Variants in TCF7L2 observed in about 807,000 individuals in gnomAD.
The protein encoded by TCF7L2 is transcription factor 7 like 2, also known as transcription factor 7-like 2.
In TCF7L2, 23 loss-of-function variants were observed where a neutral mutation model predicts 77.9. The ratio of observed to expected loss-of-function variants is 0.30; its 90% CI spans 0.21 to 0.42. The LOEUF (loss-of-function observed/expected upper bound fraction) is 0.42, where lower values mean the gene tolerates loss of function less well. TCF7L2 is among the 10% of genes least tolerant of loss of function. The pLI, the probability that TCF7L2 is intolerant of heterozygous loss-of-function variation, is 1.00. For synonymous variants in TCF7L2, 413 were observed against 340.2 expected (o/e 1.21, Z -2.36); for missense variants, 654 against 793.1 (o/e 0.82, Z 2.11).
intron 4 of TCF7L2, among the ~76,000 whole-genome samples, chr10:112,998,767 G>T (rs766824156): frequency 5.3e-5 from 8 of 152,124 alleles, no homozygotes; most frequent in Non-Finnish European, 1.0e-4. Flanking sequence ...TCATCTCTTC[G>T]CTATAAACAT....
At chr10:113,033,540 G>A (rs1321034031) in intron 4 of TCF7L2, among the ~76,000 whole-genome samples, 2 of 152,086 alleles carry the variant, frequency 1.3e-5, no homozygotes, top group African/African-American at 2.4e-5. Flanking sequence ...GGGCCACCAT[G>A]CCTGGCTTGA....
intron 5 of TCF7L2, chr10:113,130,037 G>A (rs370910569): frequency 5.8e-5 from 68 of 1,179,708 alleles, no homozygotes; most frequent in African/African-American, 3.3e-4. Flanking sequence ...GTGTATGTTC[G>A]TGTCCATGCT....
intron 5 of TCF7L2, among the ~76,000 whole-genome samples, chr10:113,098,711 A>C (rs140733855): frequency 6.6e-4 from 101 of 152,214 alleles, no homozygotes; most frequent in South Asian, 1.9e-3. Context: ...GTCTCAAAAC[A>C]AAACAAAAAA....
intron 3 of TCF7L2, among the ~76,000 whole-genome samples, chr10:112,961,163 G>A (rs2035005160): frequency 6.7e-6 from 1 of 149,496 alleles, no homozygotes; most frequent in East Asian, 2.0e-4. Context: ...ACAGGAATGC[G>A]CCACCACGCC....
chr10:112,992,576 T>C (rs1339952187), intron 4 of TCF7L2, among the ~76,000 whole-genome samples: 1 of 152,012 alleles, frequency 6.6e-6, no homozygotes, highest in Non-Finnish European at 1.5e-5. Context: ...TTGCGTTATC[T>C]TTACCAAGTG....
intron 11 of TCF7L2, among the ~76,000 whole-genome samples, chr10:113,154,732 T>G (rs560344662): frequency 1.3e-5 from 2 of 152,286 alleles, no homozygotes; most frequent in Non-Finnish European, 2.9e-5. Context: ...AGTTTTAAAT[T>G]TGGAAGATGG....
At chr10:113,111,578 G>C (rs1035598729) in intron 5 of TCF7L2, among the ~76,000 whole-genome samples, 9 of 152,158 alleles carry the variant, frequency 5.9e-5, no homozygotes, top group South Asian at 2.1e-4. Context: ...GATCACTTGA[G>C]CCCAGGAGTT....
At chr10:113,015,914 G>A (rs556934393) in intron 4 of TCF7L2, among the ~76,000 whole-genome samples, 2 of 152,374 alleles carry the variant, frequency 1.3e-5, no homozygotes, top group East Asian at 3.9e-4. Context: ...TGTGGTGACA[G>A]AGCAGGGGTT....
intron 5 of TCF7L2, among the ~76,000 whole-genome samples, chr10:113,117,811 G>T (rs189357479): frequency 4.2e-4 from 64 of 152,088 alleles, no homozygotes; most frequent in Admixed American, 5.9e-4. Context: ...TCAATGGGCC[G>T]CAGGAATGCA....
chr10:113,129,365 T>C (rs2066183753), intron 5 of TCF7L2: 2 of 989,836 alleles, frequency 2.0e-6, no homozygotes, highest in Non-Finnish European at 2.4e-6. Flanking sequence ...CTGTCCCTGC[T>C]GCCCAAGGTA....
At chr10:113,094,323 C>T (rs754928340) in intron 5 of TCF7L2, among the ~76,000 whole-genome samples, 10 of 152,176 alleles carry the variant, frequency 6.6e-5, no homozygotes, top group Admixed American at 3.3e-4. Context: ...CATGTCATCA[C>T]GGTCAAAGTT....
chr10:112,978,701 G>A (rs1451825230), intron 4 of TCF7L2, among the ~76,000 whole-genome samples: 1 of 148,232 alleles, frequency 6.7e-6, no homozygotes, highest in Non-Finnish European at 1.5e-5. Flanking sequence ...GGATGGTCTC[G>A]ATCTCCTGAC....
chr10:112,992,086 C>T (rs947622274), intron 4 of TCF7L2, among the ~76,000 whole-genome samples: 4 of 152,168 alleles, frequency 2.6e-5, no homozygotes, highest in Non-Finnish European at 5.9e-5. Context: ...ATTCCCAGCC[C>T]TGTTACCCTG....
intron 5 of TCF7L2, among the ~76,000 whole-genome samples, chr10:113,045,102 G>A (rs2053190768): frequency 6.6e-6 from 1 of 152,166 alleles, no homozygotes; most frequent in Non-Finnish European, 1.5e-5. Context: ...GTTTGGGGTG[G>A]AAGCGTTGTC....
intron 3 of TCF7L2, among the ~76,000 whole-genome samples, chr10:112,952,598 C>G (rs768281333): frequency 2.6e-5 from 4 of 152,194 alleles, no homozygotes; most frequent in Non-Finnish European, 4.4e-5. Flanking sequence ...CGTGTAGGCC[C>G]GTCGTGGGCC....
At chr10:113,061,625 G>A (rs543146466) in intron 5 of TCF7L2, among the ~76,000 whole-genome samples, 2 of 152,254 alleles carry the variant, frequency 1.3e-5, no homozygotes, top group South Asian at 4.1e-4. Flanking sequence ...GGCAAGGGAG[G>A]GCCGTGTCAC....
Position 113,160,642 on chromosome 10 carries a change from CG to C in TCF7L2, c.1345del (p.Ala449HisfsTer42). 6.3e-7 allele frequency: 1 copy of C among 1,597,560 alleles called. No homozygotes were observed. The highest frequency in any genetic ancestry group is 8.5e-7 in the Non-Finnish European group (1 of 1,171,638). ...AGATGCAAATACTCCAAAGAAGTGT[CG>C]GGCACTGTTCGGGCTTGACCGACAG... On this transcript the variant is annotated frameshift_variant, in exon 13 of 14. Coordinates refer to ENST00000627217, the MANE Select transcript of TCF7L2 (RefSeq NM_001146274.2). LOFTEE classifies it high-confidence loss of function.
At chr10:113,110,103 A>G (rs773842886) in intron 5 of TCF7L2, among the ~76,000 whole-genome samples, 30 of 152,346 alleles carry the variant, frequency 2.0e-4, no homozygotes, top group South Asian at 1.2e-3. Flanking sequence ...CAAGCATGAT[A>G]ATTCTTGACT....
At chr10:112,982,972 A>G (rs1219729682) in intron 4 of TCF7L2, among the ~76,000 whole-genome samples, 1 of 152,106 alleles carries the variant, frequency 6.6e-6, no homozygotes, top group Non-Finnish European at 1.5e-5. Context: ...CCATGTTGTG[A>G]TATCATTTGT....
Sources: allele counts gnomAD v4.1 joint callset (sites outside exome capture counted in the v4.1 genomes callset), GRCh38; gene constraint gnomAD v4.1.1; transcripts MANE v1.5; gene names NCBI Gene and HGNC (gene_info 2026-07-23, HGNC 2026-07-21).